The following KLHL1 variants were observed in gnomAD, a reference collection of about 807,000 sequenced individuals.
KLHL1 encodes kelch-like protein 1.
In KLHL1, 47 loss-of-function variants were observed where a neutral mutation model predicts 77.7. The ratio of observed to expected loss-of-function variants is 0.60; its 90% CI spans 0.48 to 0.77. KLHL1 has a LOEUF of 0.77. Ranked by LOEUF, KLHL1 falls within the 30% of genes least tolerant of loss-of-function variation. KLHL1 has a pLI of 0.00. For synonymous variants in KLHL1, 360 were observed against 325.2 expected, an observed-to-expected ratio of 1.11 and a Z score of -1.15; for missense variants, 925 against 910.8, an observed-to-expected ratio of 1.02 and a Z score of -0.20.
intron 7 of KLHL1, among the ~76,000 whole-genome samples, chr13:69,768,332 TATTAC>T (rs1420973319): frequency 6.6e-6 from 1 of 152,168 alleles, no homozygotes; most frequent in East Asian, 1.9e-4. Context: ...TATCTGAAAT[TATTAC>T]ATTACACAAA....
At chr13:69,751,431 T>A (rs1241684436) in intron 7 of KLHL1, among the ~76,000 whole-genome samples, 2 of 151,932 alleles carry the variant, frequency 1.3e-5, no homozygotes, top group Non-Finnish European at 2.9e-5. Context: ...ACAAAAAAAA[T>A]GGTTCTTGTC....
chr13:69,795,620 C>T (rs1877069699), intron 7 of KLHL1, among the ~76,000 whole-genome samples: 1 of 152,130 alleles, frequency 6.6e-6, no homozygotes, highest in African/African-American at 2.4e-5. Context: ...AAAGTGATTT[C>T]ATAGTCATTT....
intron 1 of KLHL1, among the ~76,000 whole-genome samples, chr13:70,064,259 G>T (rs950371950): frequency 2.0e-5 from 3 of 152,120 alleles, no homozygotes; most frequent in African/African-American, 7.2e-5. Context: ...TGCCCTCAGG[G>T]ATTGCAATGT....
intron 10 of KLHL1, among the ~76,000 whole-genome samples, chr13:69,702,510 CATG>C (rs1312132794): frequency 6.6e-6 from 1 of 151,454 alleles, no homozygotes; most frequent in African/African-American, 2.4e-5. Context: ...CTAGAAATTA[CATG>C]ATATTATTTC....
At chr13:69,971,827 T>C (rs569501369) in intron 2 of KLHL1, among the ~76,000 whole-genome samples, 7 of 152,192 alleles carry the variant, frequency 4.6e-5, no homozygotes, top group African/African-American at 7.2e-5. Flanking sequence ...TCATTATGCA[T>C]CATCAACAGG....
intron 1 of KLHL1, among the ~76,000 whole-genome samples, chr13:70,068,424 T>C (rs1181919398): frequency 1.3e-5 from 2 of 152,254 alleles, no homozygotes; most frequent in Admixed American, 6.5e-5. Flanking sequence ...TAATGAATTA[T>C]GATTTTATTA....
chr13:69,886,868 G>A (rs113158756), intron 4 of KLHL1, among the ~76,000 whole-genome samples: 302 of 152,178 alleles, frequency 2.0e-3, no homozygotes, highest in African/African-American at 6.9e-3. Context: ...ATTATAGTAG[G>A]AAGATAAATC....
intron 5 of KLHL1, among the ~76,000 whole-genome samples, chr13:69,880,227 C>T (rs1006683383): frequency 1.6e-4 from 25 of 152,104 alleles, no homozygotes; most frequent in African/African-American, 6.0e-4. Flanking sequence ...ATAATCTTTA[C>T]TTTGCATCTG....
At chr13:69,967,299 G>A (rs1170671659) in intron 2 of KLHL1, among the ~76,000 whole-genome samples, 1 of 152,128 alleles carries the variant, frequency 6.6e-6, no homozygotes, top group African/African-American at 2.4e-5. Flanking sequence ...ATGGGAGGAA[G>A]TAAAAATAAC....
In KLHL1 at chr13:69,801,070, C is replaced by T. The variant is rs549650264; in HGVS notation, c.1415-4108G>A. Among the ~76,000 whole-genome samples the T allele has an allele frequency of 3.5e-4, 53 of 152,246 alleles. 1 individual carries two copies. The highest frequency in any genetic ancestry group is 1.2e-3 in the African/African-American group (51 of 41,542). ...TTATTCGGGTGATGACTACCTAAAG[C>T]CCTCGATGGACCACAATGTAATCCA... On this transcript the variant is annotated intron_variant, in intron 6 of 10. Coordinates refer to ENST00000377844, the MANE Select transcript of KLHL1 (RefSeq NM_020866.3).
chr13:69,985,878 T>C (rs991497179), intron 1 of KLHL1, among the ~76,000 whole-genome samples: 1 of 145,772 alleles, frequency 6.9e-6, no homozygotes, highest in African/African-American at 2.6e-5. Flanking sequence ...CCACTGTGTG[T>C]GTGTGTATGT....
chr13:69,858,405 A>G (rs1005222293), intron 5 of KLHL1, among the ~76,000 whole-genome samples: 2 of 152,118 alleles, frequency 1.3e-5, no homozygotes, highest in South Asian at 4.1e-4. Flanking sequence ...TTATGTATAA[A>G]TCGTTCTGCC....
chr13:69,868,397 G>GA (rs1238956395), intron 5 of KLHL1, among the ~76,000 whole-genome samples: 3 of 151,500 alleles, frequency 2.0e-5, no homozygotes, highest in Non-Finnish European at 2.9e-5. Context: ...ATTTGTTAGA[G>GA]AAAAATGACA....
At chr13:70,094,881 C>G (rs1375612758) in intron 1 of KLHL1, among the ~76,000 whole-genome samples, 1 of 152,078 alleles carries the variant, frequency 6.6e-6, no homozygotes, top group Non-Finnish European at 1.5e-5. Context: ...TTCAACTTGC[C>G]TAAAACCTAA....
chr13:69,970,660 G>C (rs1347730513), intron 2 of KLHL1, among the ~76,000 whole-genome samples: 1 of 152,042 alleles, frequency 6.6e-6, no homozygotes, highest in East Asian at 1.9e-4. Flanking sequence ...GGATCTTAAA[G>C]CACTGACTAA....
chr13:70,004,886 T>G (rs1355918928), intron 1 of KLHL1, among the ~76,000 whole-genome samples: 2 of 151,370 alleles, frequency 1.3e-5, no homozygotes, highest in African/African-American at 4.8e-5. Flanking sequence ...TAACTGATAT[T>G]AATATATTTT....
At chr13:69,943,902 G>A (rs1048575985) in intron 3 of KLHL1, among the ~76,000 whole-genome samples, 1 of 152,118 alleles carries the variant, frequency 6.6e-6, no homozygotes, top group African/African-American at 2.4e-5. Flanking sequence ...ACATGCTGAT[G>A]GCATGGTTTC....
At chr13:70,036,911 C>A (rs1460909352) in intron 1 of KLHL1, among the ~76,000 whole-genome samples, 1 of 142,140 alleles carries the variant, frequency 7.0e-6, no homozygotes, top group African/African-American at 2.7e-5. Context: ...TAGTGTTACC[C>A]CAAAATTAAT....
chr13:69,829,987 A>G (rs1210817659), intron 6 of KLHL1, among the ~76,000 whole-genome samples: 2 of 150,062 alleles, frequency 1.3e-5, no homozygotes, highest in African/African-American at 5.0e-5. Context: ...AATACACCAA[A>G]ATAGAACCTC....
Sources: gnomAD v4.1 joint callset for allele counts (sites outside exome capture counted in the v4.1 genomes callset) on GRCh38, gnomAD v4.1.1 for gene constraint, MANE v1.5 for transcripts, NCBI Gene and HGNC (gene_info 2026-07-23, HGNC 2026-07-21) for gene names.